The following TAF1B variants were observed in gnomAD, a reference collection of about 807,000 sequenced individuals.
The protein encoded by TAF1B is TATA-box binding protein associated factor, RNA polymerase I subunit B.
A neutral mutation model predicts 83.9 loss-of-function variants in TAF1B; 61 were observed. That is an observed-to-expected ratio of 0.73 (90% CI 0.59 to 0.90). TAF1B has a LOEUF of 0.90. Ranked by LOEUF, TAF1B falls within the 40% of genes least tolerant of loss-of-function variation. TAF1B has a pLI of 0.00. For synonymous variants in TAF1B, 221 were observed against 224.6 expected (o/e 0.98, Z 0.14); for missense variants, 625 against 677.0 (o/e 0.92, Z 0.85).
chr2:9,886,615 C>A (rs999680456), intron 8 of TAF1B, among the ~76,000 whole-genome samples: 9 of 152,100 alleles, frequency 5.9e-5, no homozygotes, highest in African/African-American at 2.2e-4. Context: ...AAAATTTCTT[C>A]TATGTGTTCT....
At chr2:9,883,856 C>G (rs1664582908) in intron 8 of TAF1B, among the ~76,000 whole-genome samples, 1 of 152,206 alleles carries the variant, frequency 6.6e-6, no homozygotes, top group African/African-American at 2.4e-5. Context: ...GCTATAATAT[C>G]AAAGGCAATA....
chr2:9,892,747 A>G (rs1473662310), intron 8 of TAF1B, among the ~76,000 whole-genome samples: 1 of 141,296 alleles, frequency 7.1e-6, no homozygotes, highest in East Asian at 2.0e-4. Flanking sequence ...CCCCATCAAC[A>G]TATTGATTTT....
chr2:9,931,924 A>G (rs932603090), intron 14 of TAF1B, among the ~76,000 whole-genome samples: 58 of 152,106 alleles, frequency 3.8e-4, no homozygotes, highest in East Asian at 3.8e-4. Flanking sequence ...TTGATCTTCA[A>G]TCACTGATAC....
intron 5 of TAF1B, among the ~76,000 whole-genome samples, chr2:9,864,952 A>G (rs1462763121): frequency 6.6e-6 from 1 of 152,220 alleles, no homozygotes; most frequent in Non-Finnish European, 1.5e-5. Flanking sequence ...AAATAATAAG[A>G]GCTATCTATG....
intron 9 of TAF1B, among the ~76,000 whole-genome samples, chr2:9,905,739 T>C (rs1490537379): frequency 6.6e-6 from 1 of 152,144 alleles, no homozygotes; most frequent in African/African-American, 2.4e-5. Context: ...GTATTGTTAA[T>C]AGGAGAGTAA....
intron 8 of TAF1B, among the ~76,000 whole-genome samples, chr2:9,886,673 AAG>A (rs150245056): frequency 0.28 from 42,363 of 151,986 alleles, 6,872 homozygotes; most frequent in Middle Eastern, 0.4. Flanking sequence ...AGGGGACTGC[AAG>A]AGAGAGAGAG....
In TAF1B at chr2:9,924,974, C is replaced by A. The variant is rs1665990521; in HGVS notation, c.1565+5154C>A. ...TATAACAGTTGGCTAGGTCAGAAGA[C>A]CTGACTTCTTGTAGGTGGTGGCCGT... is the stretch of plus-strand genomic sequence containing the variant. On this transcript the variant is annotated intron_variant, in intron 14 of 14. Coordinates refer to ENST00000263663, the MANE Select transcript of TAF1B (RefSeq NM_005680.3). Among the ~76,000 whole-genome samples the A allele has an allele frequency of 2.0e-5, 3 of 152,168 alleles. No individual in the cohort carries two copies. The South Asian group carries it at 6.2e-4, about 31-fold the overall frequency.
intron 5 of TAF1B, among the ~76,000 whole-genome samples, chr2:9,863,180 G>C (rs1276971221): frequency 6.6e-6 from 1 of 152,196 alleles, no homozygotes; most frequent in African/African-American, 2.4e-5. Flanking sequence ...AGACCCATCA[G>C]TGTGCTGTAT....
intron 8 of TAF1B, among the ~76,000 whole-genome samples, chr2:9,891,540 A>C (rs966659265): frequency 6.6e-6 from 1 of 152,158 alleles, no homozygotes; most frequent in Non-Finnish European, 1.5e-5. Context: ...TGTATTTACT[A>C]TACTTGTAAT....
chr2:9,919,735 C>G lies in TAF1B; in HGVS notation c.1480C>G (p.Leu494Val). ...TAGAACGTGTTTCCATGGACACAGC[C>G]TTCAGGGAGTCCTGAAAGAGAAAGG... ...TDRTCFHGHSLQGVLKEKGQS... is the reference protein window; with the variant it reads ...TDRTCFHGHSVQGVLKEKGQS... Residue 494 changes from leucine (L) to valine (V), a missense_variant, in exon 14 of 15, where the codon CTT becomes GTT. Leu to Val is a conservative substitution (Grantham distance 32, BLOSUM62 1). Transcript: ENST00000263663. The G allele has an allele frequency of 6.2e-7, 1 of 1,614,164 alleles. No homozygotes were observed. The highest frequency in any genetic ancestry group is 1.6e-4 in the Middle Eastern group (1 of 6,062).
At chr2:9,885,131 G>A (rs1188616005) in intron 8 of TAF1B, among the ~76,000 whole-genome samples, 2 of 152,176 alleles carry the variant, frequency 1.3e-5, no homozygotes, top group Admixed American at 1.3e-4. Flanking sequence ...GGGCAGAAAA[G>A]TAGGCAAACA....
intron 10 of TAF1B, 69 bp downstream of exon 10, chr2:9,910,982 T>A: frequency 7.0e-7 from 1 of 1,426,442 alleles, no homozygotes; most frequent in Non-Finnish European, 9.6e-7. Flanking sequence ...AAGAAAGCTT[T>A]AAATGTCATG....
intron 5 of TAF1B, among the ~76,000 whole-genome samples, chr2:9,864,479 G>A (rs569321624): frequency 6.6e-6 from 1 of 152,270 alleles, no homozygotes; most frequent in African/African-American, 2.4e-5. Flanking sequence ...TCCAGGACCA[G>A]ATGGATTCAC....
At chr2:9,881,519 C>A (rs989987990) in intron 7 of TAF1B, among the ~76,000 whole-genome samples, 1 of 151,964 alleles carries the variant, frequency 6.6e-6, no homozygotes, top group Non-Finnish European at 1.5e-5. Flanking sequence ...GGTTGCAAGA[C>A]CCCCATTTCT....
chr2:9,873,759 C>G (rs1481966736), intron 6 of TAF1B, among the ~76,000 whole-genome samples: 1 of 151,274 alleles, frequency 6.6e-6, no homozygotes, highest in Non-Finnish European at 1.5e-5. Context: ...ATCAGCAAAT[C>G]CTTTGACTCT....
chr2:9,844,139 T>C (rs1041856019), intron 1 of TAF1B, among the ~76,000 whole-genome samples: 4 of 152,216 alleles, frequency 2.6e-5, no homozygotes, highest in African/African-American at 9.7e-5. Context: ...AGGTACTACG[T>C]AAAATGGCAC....
At chr2:9,869,735 G>A (rs1224362546) in intron 6 of TAF1B, among the ~76,000 whole-genome samples, 4 of 151,846 alleles carry the variant, frequency 2.6e-5, no homozygotes, top group Admixed American at 2.6e-4. Flanking sequence ...AATTAGCTAG[G>A]CGTGGTGGTA....
intron 8 of TAF1B, 61 bp from the exon 9 acceptor site, chr2:9,904,798 A>T: frequency 1.3e-6 from 2 of 1,500,880 alleles, no homozygotes; most frequent in East Asian, 2.3e-5. Flanking sequence ...ATCAGAACAT[A>T]TTTTTAAAAA....
At chr2:9,887,376 C>T (rs1218119874) in intron 8 of TAF1B, among the ~76,000 whole-genome samples, 2 of 152,304 alleles carry the variant, frequency 1.3e-5, no homozygotes, top group South Asian at 2.1e-4. Flanking sequence ...ATGATTGCAA[C>T]TTTTGTTTCA....
Sources: allele counts gnomAD v4.1 joint callset (sites outside exome capture counted in the v4.1 genomes callset), GRCh38; gene constraint gnomAD v4.1.1; transcripts MANE v1.5; gene names NCBI Gene and HGNC (gene_info 2026-07-23, HGNC 2026-07-21).